PRKAR1A: variants seen among roughly 807,000 people sequenced by gnomAD.
PRKAR1A encodes the protein cAMP-dependent protein kinase type I-alpha regulatory subunit.
Under a neutral mutation model 52.0 loss-of-function variants are expected in PRKAR1A, and 3 were observed. That is an observed-to-expected ratio of 0.06 (90% CI 0.03 to 0.15). The LOEUF is 0.15. Ranked by LOEUF, PRKAR1A falls within the 10% of genes least tolerant of loss-of-function variation. The pLI, the probability that PRKAR1A is intolerant of heterozygous loss-of-function variation, is 1.00. For missense variants in PRKAR1A, 240 were observed against 477.4 expected (o/e 0.50, Z 4.63); for synonymous variants, 188 against 168.4 (o/e 1.12, Z -0.90).
chr17:68,434,824 C>T, the PRKAR1A span, among the ~76,000 whole-genome samples: 2 of 152,168 alleles, frequency 1.3e-5, no homozygotes, highest in African/African-American at 4.8e-5. Flanking sequence ...CTCTGTCTAC[C>T]TTTTCCCTTC....
In PRKAR1A at chr17:68,540,956, C is replaced by T. The variant is rs756263108; in HGVS notation, c.974-10128C>T. On this transcript the variant is annotated intron_variant, in intron 11 of 11. Transcript: ENST00000585981. ...GTCACAGTAAAGGGGATTGACCTCC[C>T]ACCTGAGGGGGAGAAGAAGTCCTGG... 1.9e-6 allele frequency: 3 copies of T among 1,584,256 alleles called. No homozygotes were observed. Among genetic ancestry groups the T allele is most frequent in the Admixed American group, 1.8e-5 (1 of 56,380 alleles).
At chr17:68,515,871 T>C (rs2085416455) in intron 2 of PRKAR1A, 2 of 395,542 alleles carry the variant, frequency 5.1e-6, no homozygotes, top group Non-Finnish European at 9.4e-6. Context: ...CAGATAAAAC[T>C]GATCAGAACT....
chr17:68,526,200 G>T (rs567649366), intron 7 of PRKAR1A, among the ~76,000 whole-genome samples: 1 of 152,144 alleles, frequency 6.6e-6, no homozygotes, highest in Non-Finnish European at 1.5e-5. Context: ...CCATTTGCTG[G>T]TAGGCACATC....
In PRKAR1A at chr17:68,551,040, C is replaced by T. The variant is rs1045632384; in HGVS notation, c.974-44C>T. Reference sequence around the variant, plus strand: ...AAGCACATTCTGGAGGAAAGCATGACTTGGGTAACGTGGCCCCTCTTGGGG... The same window carrying T: ...AAGCACATTCTGGAGGAAAGCATGATTTGGGTAACGTGGCCCCTCTTGGGG... On this transcript the variant is annotated intron_variant, in intron 11 of 11. Transcript: ENST00000585981. 1.1e-5 allele frequency: 14 copies of T among 1,224,046 alleles called. No homozygotes were observed. In the East Asian group the frequency reaches 3.5e-4, roughly 30 times the overall value. The allele number at this position is 1,224,046 out of a possible 1,614,324, so 75.8% of individuals were successfully genotyped here. A position where few individuals can be genotyped will look rare whatever the true frequency, so the allele number is the denominator to read the frequency against.
In PRKAR1A at chr17:68,532,486, C is replaced by G. The variant is rs1186027492; in HGVS notation, c.*2037C>G. On this transcript the variant is annotated 3_prime_UTR_variant, in exon 11 of 11. Transcript: ENST00000589228. ...AGTCTACATTAAACAATGATCACAT[C>G]TAAAGCTTTATCTTTGTGTAATCTA... The G allele has an allele frequency of 9.4e-7, 1 of 1,060,834 alleles. No homozygotes were observed. The highest frequency in any genetic ancestry group is 5.0e-5 in the East Asian group (1 of 19,942). The allele number at this position is 1,060,834 out of a possible 1,614,324, so 65.7% of individuals were successfully genotyped here. A position where few individuals can be genotyped will look rare whatever the true frequency, so the allele number is the denominator to read the frequency against.
rs748626276 is a variant in PRKAR1A, at chr17:68,543,573, C to T, written c.974-7511C>T. 9 of 1,497,508 alleles carry T rather than the reference C, an allele frequency of 6.0e-6. No individual in the cohort carries two copies. In the African/African-American group the frequency reaches 1.2e-4, roughly 21 times the overall value. 92.8% of individuals were successfully genotyped at this position (1,497,508 alleles called of 1,614,324 possible). A position where few individuals can be genotyped will look rare whatever the true frequency, so the allele number is the denominator to read the frequency against. On this transcript the variant is annotated intron_variant, in intron 11 of 11. Transcript: ENST00000585981. ...CACCTTGAGGGTCTGTCTAGCCACC[C>T]CTCCCAGAGGATTGGTCCTTATAGG...
At position 68,530,796 on chromosome 17, in the gene PRKAR1A, A is replaced by T; in HGVS notation, c.*347A>T. On this transcript the variant is annotated 3_prime_UTR_variant, in exon 11 of 11. Transcript: ENST00000589228. ...TAGAGTAATGATGTAACAGTGCAAG[A>T]TTTTTTTTTTAAGTGACATAATTGT... 1 of 1,197,394 alleles carries T rather than the reference A, an allele frequency of 8.4e-7. No individual in the cohort carries two copies. 74.2% of individuals were successfully genotyped at this position (1,197,394 alleles called of 1,614,324 possible). A position where few individuals can be genotyped will look rare whatever the true frequency, so the allele number is the denominator to read the frequency against.
At chr17:68,548,723 A>ATTTTTTTT (rs200833117) in intron 11 of PRKAR1A, among the ~76,000 whole-genome samples, 4 of 117,944 alleles carry the variant, frequency 3.4e-5, no homozygotes, top group Admixed American at 8.8e-5. Flanking sequence ...CTATGCCTGT[A>ATTTTTTTT]TATTTTTTTT....
the PRKAR1A span, among the ~76,000 whole-genome samples, chr17:68,473,269 A>G: frequency 3.3e-5 from 5 of 152,174 alleles, no homozygotes; most frequent in Admixed American, 6.5e-5. Flanking sequence ...TCTGGGCACA[A>G]TGGCTCTTCA....
chr17:68,526,770 G>A (rs2085804787), intron 7 of PRKAR1A, among the ~76,000 whole-genome samples: 1 of 152,154 alleles, frequency 6.6e-6, no homozygotes, highest in South Asian at 2.1e-4. Context: ...CTACTTGAGG[G>A]TGGAGGGTGG....
chr17:68,486,523 T>TCCTTCCTTCCTTCCTTCCC, the PRKAR1A span, among the ~76,000 whole-genome samples: 1 of 100,102 alleles, frequency 1.0e-5, no homozygotes, highest in African/African-American at 3.7e-5. Flanking sequence ...CTTTCTTTCT[T>TCCTTCCTTCCTTCCTTCCC]TCTTTCTTTC....
In PRKAR1A at chr17:68,531,707, T is replaced by C; in HGVS notation, c.*1258T>C. 1 of 1,061,098 alleles carries C rather than the reference T, an allele frequency of 9.4e-7. No homozygotes were observed. Among genetic ancestry groups the C allele is most frequent in the Non-Finnish European group, 1.1e-6 (1 of 876,032 alleles). The allele number at this position is 1,061,098 out of a possible 1,614,324, so 65.7% of individuals were successfully genotyped here. A position where few individuals can be genotyped will look rare whatever the true frequency, so the allele number is the denominator to read the frequency against. On this transcript the variant is annotated 3_prime_UTR_variant, in exon 11 of 11. Coordinates refer to ENST00000589228, the MANE Select transcript of PRKAR1A (RefSeq NM_002734.5). ...TAGCATTTATTTCTCTGGCAAACTT[T>C]TCTTTCTTTTCTTTTTTAAAGTAAA...
chr17:68,486,324 T>C, the PRKAR1A span, among the ~76,000 whole-genome samples: 1 of 152,078 alleles, frequency 6.6e-6, no homozygotes, highest in Non-Finnish European at 1.5e-5. Context: ...AAGCTCCTTA[T>C]CTTGGGGCTG....
chr17:68,420,167 T>C, the PRKAR1A span: 4 of 1,611,858 alleles, frequency 2.5e-6, no homozygotes, highest in Non-Finnish European at 2.5e-6. Flanking sequence ...TAGCGAGGCA[T>C]TTGTTGTCAT....
chr17:68,421,366 T>C, the PRKAR1A span: 1 of 167,662 alleles, frequency 6.0e-6, no homozygotes, highest in African/African-American at 2.4e-5. Flanking sequence ...AAAAAAGACT[T>C]TGCCTGGCTA....
chr17:68,510,159 C>CAGACAG (rs2085243653), upstream of PRKAR1A, among the ~76,000 whole-genome samples: 1 of 127,520 alleles, frequency 7.8e-6, no homozygotes, highest in South Asian at 2.7e-4. Flanking sequence ...TATATGTAGA[C>CAGACAG]AGAGAGAGAG....
At chr17:68,523,890 C>G in intron 4 of PRKAR1A, 74 bp downstream of exon 4, 3 of 1,578,150 alleles carry the variant, frequency 1.9e-6, no homozygotes, top group Non-Finnish European at 2.6e-6. Flanking sequence ...ACACTTGTTG[C>G]AAGTTTTAGA....
the PRKAR1A span, among the ~76,000 whole-genome samples, chr17:68,479,747 CACTGTTATGAAGAAAT>C: frequency 6.6e-6 from 1 of 152,164 alleles, no homozygotes; most frequent in African/African-American, 2.4e-5. Context: ...TCCATTCTCA[CACTGTTATGAAGAAAT>C]ACCCAAGACT....
intron 2 of PRKAR1A, among the ~76,000 whole-genome samples, chr17:68,517,553 G>A (rs769329523): frequency 7.2e-5 from 11 of 152,168 alleles, no homozygotes; most frequent in Non-Finnish European, 5.9e-5. Context: ...GTCAGCTATC[G>A]TGAGGACTCA....
Sources: allele counts gnomAD v4.1 joint callset (sites outside exome capture counted in the v4.1 genomes callset), GRCh38; gene constraint gnomAD v4.1.1; transcripts MANE v1.5; gene names NCBI Gene and HGNC (gene_info 2026-07-23, HGNC 2026-07-21).